Variants in EPHA6 observed in about 807,000 individuals in gnomAD.
The protein encoded by EPHA6 is ephrin type-A receptor 6.
Under a neutral mutation model 112.0 loss-of-function variants are expected in EPHA6, and 50 were observed. The ratio of observed to expected loss-of-function variants is 0.45; its 90% confidence interval spans 0.36 to 0.56. EPHA6 has a LOEUF of 0.56. Among genes scored for constraint, EPHA6 ranks in the 20% least tolerant of loss-of-function variants. The probability of loss-of-function intolerance (pLI) is 0.00; values close to 1 mark genes in which losing one functional copy is unlikely to be tolerated. For missense variants in EPHA6, 1,280 were observed against 1,417.4 expected, an observed-to-expected ratio of 0.90 and a Z score of 1.56; for synonymous variants, 529 against 490.7, an observed-to-expected ratio of 1.08 and a Z score of -1.03.
At chr3:97,088,769 C>T (rs941889995) in intron 3 of EPHA6, among the ~76,000 whole-genome samples, 1 of 152,116 alleles carries the variant, frequency 6.6e-6, no homozygotes, top group African/African-American at 2.4e-5. Flanking sequence ...GATTTCCTCC[C>T]AGTGTCTGTG....
intron 14 of EPHA6, among the ~76,000 whole-genome samples, chr3:97,649,535 T>A (rs1013489084): frequency 3.3e-5 from 5 of 152,102 alleles, no homozygotes; most frequent in African/African-American, 1.2e-4. Context: ...GCACTTTTTT[T>A]AGGCAAACCT....
rs1174675316 is a variant in EPHA6, at chr3:97,750,844, A to G, written c.*2143A>G. 6.6e-6 allele frequency among the ~76,000 whole-genome samples: 1 copy of G among 152,182 alleles called. No homozygotes were observed. Among genetic ancestry groups the G allele is most frequent in the Non-Finnish European group, 1.5e-5 (1 of 68,016 alleles). Reference sequence around the variant, plus strand: ...TTTCTTAAAATATACAAAAAAAGGTAGGGGGTGATGGGAAAATCATCACTT... The same window carrying G: ...TTTCTTAAAATATACAAAAAAAGGTGGGGGGTGATGGGAAAATCATCACTT... On this transcript the variant is annotated 3_prime_UTR_variant, in exon 18 of 18. Coordinates refer to ENST00000389672, the MANE Select transcript of EPHA6 (RefSeq NM_001080448.3).
chr3:96,987,267 T>A, intron 2 of EPHA6, 63 bp from the exon 3 acceptor site: 1 of 1,404,014 alleles, frequency 7.1e-7, no homozygotes, highest in Non-Finnish European at 9.7e-7. Flanking sequence ...AAATTGTAAG[T>A]AATCATTTCT....
intron 2 of EPHA6, among the ~76,000 whole-genome samples, chr3:96,928,416 A>C (rs1441363693): frequency 6.6e-6 from 1 of 152,150 alleles, no homozygotes. Context: ...TTCAATTTGC[A>C]TGTAGTTGTG....
intron 14 of EPHA6, among the ~76,000 whole-genome samples, chr3:97,715,071 G>A (rs2034153428): frequency 6.6e-6 from 1 of 152,126 alleles, no homozygotes; most frequent in South Asian, 2.1e-4. Context: ...TACCACTCAC[G>A]ATCACCACTG....
At chr3:96,988,017 T>C in intron 3 of EPHA6, 24 bp downstream of exon 3, 1 of 1,511,024 alleles carries the variant, frequency 6.6e-7, no homozygotes, top group Admixed American at 2.2e-5. Flanking sequence ...ATTTAAATAA[T>C]TTATCTTGCA....
At chr3:97,094,199 G>C (rs2047166745) in intron 3 of EPHA6, among the ~76,000 whole-genome samples, 1 of 152,062 alleles carries the variant, frequency 6.6e-6, no homozygotes, top group Admixed American at 6.6e-5. Context: ...TGTTGATTAT[G>C]TTATGTTTAG....
chr3:97,347,205 G>C (rs1185815626), intron 5 of EPHA6, among the ~76,000 whole-genome samples: 1 of 151,952 alleles, frequency 6.6e-6, no homozygotes. Flanking sequence ...TCCATCTTCA[G>C]ATATTTTAAA....
At chr3:97,106,222 G>A (rs568587056) in intron 3 of EPHA6, among the ~76,000 whole-genome samples, 2 of 151,904 alleles carry the variant, frequency 1.3e-5, no homozygotes, top group Admixed American at 1.3e-4. Context: ...ATGCTAACTG[G>A]CTTAGTATAC....
intron 5 of EPHA6, among the ~76,000 whole-genome samples, chr3:97,291,205 A>T (rs1443058523): frequency 6.6e-6 from 1 of 151,842 alleles, no homozygotes; most frequent in Admixed American, 6.6e-5. Context: ...CTTGTTATTG[A>T]TTTCTAGTTT....
chr3:96,958,694 A>G (rs909568382), intron 2 of EPHA6, among the ~76,000 whole-genome samples: 2 of 152,072 alleles, frequency 1.3e-5, no homozygotes, highest in Non-Finnish European at 2.9e-5. Flanking sequence ...AGATTTACCT[A>G]TAGTTGGCAT....
chr3:97,652,216 A>T (rs1289412551), intron 14 of EPHA6, among the ~76,000 whole-genome samples: 2 of 152,124 alleles, frequency 1.3e-5, no homozygotes, highest in African/African-American at 4.8e-5. Context: ...GTAAACAGCT[A>T]AGAAGGAAAA....
intron 3 of EPHA6, among the ~76,000 whole-genome samples, chr3:97,172,601 T>C (rs2076730723): frequency 6.6e-6 from 1 of 151,904 alleles, no homozygotes; most frequent in Non-Finnish European, 1.5e-5. Flanking sequence ...AATAGTTTTT[T>C]TGGGGGGGAC....
intron 5 of EPHA6, among the ~76,000 whole-genome samples, chr3:97,297,698 G>A (rs556050574): frequency 1.7e-4 from 26 of 152,296 alleles, no homozygotes; most frequent in African/African-American, 6.3e-4. Flanking sequence ...GGAATGATAT[G>A]TTGAAGAATT....
chr3:97,160,626 T>A (rs1222129582), intron 3 of EPHA6, among the ~76,000 whole-genome samples: 2 of 152,152 alleles, frequency 1.3e-5, no homozygotes, highest in East Asian at 3.9e-4. Flanking sequence ...TCCACATGCA[T>A]CTTCCTTAGA....
intron 5 of EPHA6, among the ~76,000 whole-genome samples, chr3:97,349,254 G>A (rs1238158647): frequency 1.3e-5 from 2 of 151,812 alleles, no homozygotes; most frequent in Non-Finnish European, 2.9e-5. Flanking sequence ...TTTTGATCAG[G>A]ATTTTAGTTT....
At chr3:97,380,694 T>G (rs2085673415) in intron 5 of EPHA6, among the ~76,000 whole-genome samples, 1 of 152,214 alleles carries the variant, frequency 6.6e-6, no homozygotes, top group Non-Finnish European at 1.5e-5. Flanking sequence ...TCACAGTATA[T>G]TTAAAAAATG....
chr3:97,208,893 T>C (rs907250996), intron 3 of EPHA6, among the ~76,000 whole-genome samples: 1 of 152,174 alleles, frequency 6.6e-6, no homozygotes, highest in Non-Finnish European at 1.5e-5. Flanking sequence ...AACTTACCCA[T>C]GGAGAAGATG....
chr3:97,558,116 C>A (rs1255993637), intron 11 of EPHA6, among the ~76,000 whole-genome samples: 1 of 151,958 alleles, frequency 6.6e-6, no homozygotes, highest in Non-Finnish European at 1.5e-5. Flanking sequence ...ATAAGATTTT[C>A]TTTTCTAGTG....
Sources: allele counts gnomAD v4.1 joint callset (sites outside exome capture counted in the v4.1 genomes callset), GRCh38; gene constraint gnomAD v4.1.1; transcripts MANE v1.5; gene names NCBI Gene and HGNC (gene_info 2026-07-23, HGNC 2026-07-21).